The following ZNF385D variants were observed in gnomAD, a reference collection of about 807,000 sequenced individuals.
The protein encoded by ZNF385D is zinc finger protein 385D, also known as zinc finger protein 659.
Under a neutral mutation model 35.8 loss-of-function variants are expected in ZNF385D, and 15 were observed. The ratio of observed to expected loss-of-function variants is 0.42; its 90% CI spans 0.28 to 0.64. The LOEUF is 0.64. ZNF385D is among the 30% of genes least tolerant of loss of function. The pLI is 0.23. For missense variants in ZNF385D, 474 were observed against 494.6 expected, an observed-to-expected ratio of 0.96 and a Z score of 0.39; for synonymous variants, 212 against 186.8, an observed-to-expected ratio of 1.13 and a Z score of -1.10.
intron 5 of ZNF385D, among the ~76,000 whole-genome samples, chr3:21,427,786 C>A (rs935094621): frequency 6.6e-5 from 10 of 151,932 alleles, no homozygotes; most frequent in African/African-American, 2.4e-4. Context: ...TTGGGTTGTT[C>A]GAATTATTAT....
At chr3:21,711,711 T>C (rs147150594) in intron 1 of ZNF385D, among the ~76,000 whole-genome samples, 2 of 152,208 alleles carry the variant, frequency 1.3e-5, no homozygotes, top group Admixed American at 6.5e-5. Flanking sequence ...TACTGACATA[T>C]GCATCTCCAA....
chr3:21,514,691 T>C (rs1170159459), intron 3 of ZNF385D, among the ~76,000 whole-genome samples: 1 of 151,838 alleles, frequency 6.6e-6, no homozygotes, highest in Non-Finnish European at 1.5e-5. Flanking sequence ...TGTATGTCAC[T>C]TTCCTTTTTG....
At chr3:21,746,388 C>T (rs2069771921) in intron 1 of ZNF385D, among the ~76,000 whole-genome samples, 1 of 152,128 alleles carries the variant, frequency 6.6e-6, no homozygotes. Flanking sequence ...TGGAATTTGG[C>T]TTTTAAAATA....
intron 2 of ZNF385D, among the ~76,000 whole-genome samples, chr3:22,213,723 G>C (rs550411816): frequency 1.3e-5 from 2 of 151,988 alleles, no homozygotes; most frequent in East Asian, 3.9e-4. Flanking sequence ...ATTTTCCATG[G>C]ACCAAATTCT....
chr3:22,189,064 C>T (rs534817970), intron 2 of ZNF385D, among the ~76,000 whole-genome samples: 16 of 151,998 alleles, frequency 1.1e-4, no homozygotes, highest in Non-Finnish European at 2.2e-4. Context: ...ATTAGGTGTA[C>T]AATCCATTCC....
rs757845220 is a variant in ZNF385D at position 21,751,171 on chromosome 3, CTCCTTGCGATG to C, written c.-266_-256del. The stretch of plus-strand genomic sequence containing the variant: ...GCCCATCCTTACTGTAATCCGACTC[CTCCTTGCGATG>C]TCCTTGCCGCGCCTGTGACATCAGG... On this transcript the variant is annotated 5_prime_UTR_variant, in exon 1 of 8. It introduces an in-frame stop codon into an upstream open reading frame of the 5' UTR. Transcript: ENST00000281523. 1.1e-5 allele frequency: 15 copies of C among 1,404,912 alleles called. No homozygotes were observed. The highest frequency in any genetic ancestry group is 1.0e-5 in the Non-Finnish European group (11 of 1,080,218). The allele number at this position is 1,404,912 out of a possible 1,614,324, so 87.0% of individuals were successfully genotyped here.
intron 1 of ZNF385D, among the ~76,000 whole-genome samples, chr3:21,694,951 G>C (rs2067419253): frequency 6.6e-6 from 1 of 152,290 alleles, no homozygotes; most frequent in Middle Eastern, 3.4e-3. Flanking sequence ...GCATCAGCTT[G>C]GCTTTTAAAG....
chr3:21,806,905 G>T (rs187062606), intron 3 of ZNF385D, among the ~76,000 whole-genome samples: 25 of 152,294 alleles, frequency 1.6e-4, no homozygotes, highest in Admixed American at 3.3e-4. Context: ...TATAACCAGA[G>T]CCAAGTTTGG....
At chr3:22,323,369 T>C (rs1220858830) in intron 2 of ZNF385D, among the ~76,000 whole-genome samples, 3 of 152,058 alleles carry the variant, frequency 2.0e-5, no homozygotes, top group Non-Finnish European at 2.9e-5. Flanking sequence ...AAGTTCATGA[T>C]AGTAAGTAAG....
chr3:22,348,737 G>A (rs1024196343), intron 2 of ZNF385D, among the ~76,000 whole-genome samples: 1 of 152,038 alleles, frequency 6.6e-6, no homozygotes, highest in Non-Finnish European at 1.5e-5. Context: ...GGCACTTATA[G>A]GGGAATATCA....
At chr3:21,438,201 A>G (rs554676331) in intron 4 of ZNF385D, among the ~76,000 whole-genome samples, 121 of 152,226 alleles carry the variant, frequency 7.9e-4, no homozygotes, top group Non-Finnish European at 1.5e-3. Context: ...TAAGCTCTAC[A>G]CTCATATCCT....
intron 3 of ZNF385D, among the ~76,000 whole-genome samples, chr3:22,129,474 G>C (rs1311212108): frequency 6.6e-6 from 1 of 152,048 alleles, no homozygotes; most frequent in South Asian, 2.1e-4. Flanking sequence ...CTAGGGACTG[G>C]TATCAGGGAC....
At chr3:21,987,734 A>C (rs1694891638) in intron 3 of ZNF385D, among the ~76,000 whole-genome samples, 1 of 145,002 alleles carries the variant, frequency 6.9e-6, no homozygotes, top group African/African-American at 2.6e-5. Flanking sequence ...AGGTTGGGGA[A>C]GTTCTCCTGG....
chr3:22,301,817 A>T (rs757707068), intron 2 of ZNF385D, among the ~76,000 whole-genome samples: 5 of 152,102 alleles, frequency 3.3e-5, no homozygotes, highest in South Asian at 2.1e-4. Flanking sequence ...AGCAATATAT[A>T]TAACTATTGT....
intron 1 of ZNF385D, among the ~76,000 whole-genome samples, chr3:21,747,368 C>G (rs1266489269): frequency 6.6e-6 from 1 of 152,152 alleles, no homozygotes; most frequent in Admixed American, 6.5e-5. Flanking sequence ...GCCCCAGATC[C>G]TTCTTGGCTA....
chr3:22,332,193 C>T (rs1208395931), intron 2 of ZNF385D, among the ~76,000 whole-genome samples: 1 of 151,984 alleles, frequency 6.6e-6, no homozygotes, highest in East Asian at 1.9e-4. Flanking sequence ...TGTTTTTGCC[C>T]AGCTCCTCCA....
At chr3:21,804,442 AG>A (rs1195948228) in intron 3 of ZNF385D, among the ~76,000 whole-genome samples, 2 of 152,194 alleles carry the variant, frequency 1.3e-5, no homozygotes, top group African/African-American at 4.8e-5. Context: ...AAATATCACA[AG>A]GAAGTGCCTT....
At chr3:21,815,891 T>C (rs2073126145) in intron 3 of ZNF385D, among the ~76,000 whole-genome samples, 1 of 152,166 alleles carries the variant, frequency 6.6e-6, no homozygotes, top group South Asian at 2.1e-4. Flanking sequence ...AAGAGAATTT[T>C]AGACCAATAT....
chr3:21,464,986 G>A (rs929654292), intron 4 of ZNF385D, among the ~76,000 whole-genome samples: 1 of 151,950 alleles, frequency 6.6e-6, no homozygotes, highest in African/African-American at 2.4e-5. Flanking sequence ...CCCACTGCCG[G>A]CCAAGGACTC....
Sources: allele counts gnomAD v4.1 joint callset (sites outside exome capture counted in the v4.1 genomes callset), GRCh38; gene constraint gnomAD v4.1.1; transcripts MANE v1.5; gene names NCBI Gene and HGNC (gene_info 2026-07-23, HGNC 2026-07-21).